SPOCK3: variants seen among roughly 807,000 people sequenced by gnomAD.
The protein encoded by SPOCK3 is testican-3.
In SPOCK3, 30 loss-of-function variants were observed where a neutral mutation model predicts 56.6. The observed-to-expected ratio is 0.53, with a 90% CI of 0.40 to 0.72. SPOCK3 has a LOEUF of 0.72. Ranked by LOEUF, SPOCK3 falls within the 30% of genes least tolerant of loss-of-function variation. SPOCK3 has a pLI of 0.00. For synonymous variants in SPOCK3, 196 were observed against 183.3 expected (o/e 1.07, Z -0.56); for missense variants, 527 against 530.0 (o/e 0.99, Z 0.06).
chr4:166,993,406 G>A (rs1053279563), intron 4 of SPOCK3, among the ~76,000 whole-genome samples: 1 of 152,136 alleles, frequency 6.6e-6, no homozygotes, highest in Non-Finnish European at 1.5e-5. Context: ...GCTAAAGGAT[G>A]TAAAGCAGAG....
At chr4:166,850,112 G>A (rs539677186) in intron 6 of SPOCK3, among the ~76,000 whole-genome samples, 22 of 152,182 alleles carry the variant, frequency 1.4e-4, no homozygotes, top group Non-Finnish European at 3.1e-4. Context: ...AAGTGGAATT[G>A]CTGGATCATA....
At chr4:167,179,937 TG>T (rs1345170934) in intron 2 of SPOCK3, among the ~76,000 whole-genome samples, 1 of 152,120 alleles carries the variant, frequency 6.6e-6, no homozygotes, top group African/African-American at 2.4e-5. Context: ...ATGGCAAATA[TG>T]CCAGGATTAG....
intron 8 of SPOCK3, among the ~76,000 whole-genome samples, chr4:166,745,376 T>A (rs866680523): frequency 2.0e-4 from 31 of 152,164 alleles, no homozygotes; most frequent in South Asian, 1.0e-3. Flanking sequence ...GTATTTCATA[T>A]CCAGCCAAAC....
chr4:166,754,847 T>A, intron 7 of SPOCK3, 118 bp from the exon 8 acceptor site: 1 of 833,594 alleles, frequency 1.2e-6, no homozygotes, highest in Non-Finnish European at 1.9e-6. Flanking sequence ...GTTAGAGAAG[T>A]AGAGCATTAA....
At chr4:166,754,792 A>C in intron 7 of SPOCK3, 63 bp from the exon 8 acceptor site, 1 of 1,478,542 alleles carries the variant, frequency 6.8e-7, no homozygotes, top group Non-Finnish European at 9.4e-7. Flanking sequence ...AGAAAGCAAA[A>C]TAAGTCAACA....
chr4:166,922,985 G>T (rs1303850168), intron 4 of SPOCK3, among the ~76,000 whole-genome samples: 1 of 152,114 alleles, frequency 6.6e-6, no homozygotes, highest in Non-Finnish European at 1.5e-5. Flanking sequence ...AAAACTTGCT[G>T]ATTTAAACAA....
chr4:167,090,898 C>T (rs940392140), intron 2 of SPOCK3, among the ~76,000 whole-genome samples: 2 of 152,020 alleles, frequency 1.3e-5, no homozygotes, highest in South Asian at 2.1e-4. Flanking sequence ...TATTAACTAA[C>T]ATTACATTGT....
At chr4:167,057,469 C>T (rs1755032832) in intron 3 of SPOCK3, among the ~76,000 whole-genome samples, 1 of 151,608 alleles carries the variant, frequency 6.6e-6, no homozygotes, top group Admixed American at 6.6e-5. Flanking sequence ...ACTAAATGCT[C>T]CAATTAAAAG....
At chr4:167,178,809 A>T in intron 2 of SPOCK3, among the ~76,000 whole-genome samples, 1 of 152,274 alleles carries the variant, frequency 6.6e-6, no homozygotes, top group East Asian at 1.9e-4. Flanking sequence ...TGATGTAAAT[A>T]CAAAATACAT....
At chr4:166,841,608 A>C (rs536097982) in intron 6 of SPOCK3, among the ~76,000 whole-genome samples, 2 of 152,104 alleles carry the variant, frequency 1.3e-5, no homozygotes, top group East Asian at 3.9e-4. Context: ...GCCTTCCTTA[A>C]TTTGCTTTCA....
At chr4:167,030,853 C>T (rs1561139473) in intron 3 of SPOCK3, among the ~76,000 whole-genome samples, 1 of 152,000 alleles carries the variant, frequency 6.6e-6, no homozygotes, top group East Asian at 1.9e-4. Flanking sequence ...ACCTGTTTCT[C>T]CAACAAGCTG....
At chr4:166,813,692 A>G (rs1159876120) in intron 6 of SPOCK3, among the ~76,000 whole-genome samples, 1 of 151,944 alleles carries the variant, frequency 6.6e-6, no homozygotes, top group East Asian at 1.9e-4. Flanking sequence ...CATATAGAGG[A>G]GTCTTCAGTA....
intron 2 of SPOCK3, among the ~76,000 whole-genome samples, chr4:167,205,425 TATATAATATATA>T (rs1351451777): frequency 2.0e-5 from 1 of 49,324 alleles, no homozygotes; most frequent in Non-Finnish European, 3.4e-5. Flanking sequence ...AAATATATAA[TATATAATATATA>T]ATATAATATA....
intron 3 of SPOCK3, among the ~76,000 whole-genome samples, chr4:167,042,818 G>C (rs1032194692): frequency 6.6e-6 from 1 of 152,066 alleles, no homozygotes; most frequent in African/African-American, 2.4e-5. Context: ...TGCTTTATAA[G>C]GGCTTTAGGT....
chr4:166,813,377 T>TGAG (rs1382848757), intron 6 of SPOCK3, among the ~76,000 whole-genome samples: 1 of 151,998 alleles, frequency 6.6e-6, no homozygotes, highest in East Asian at 1.9e-4. Flanking sequence ...AGGCAGGCTC[T>TGAG]GAGGAATGTA....
At chr4:166,849,784 T>C (rs988609910) in intron 6 of SPOCK3, among the ~76,000 whole-genome samples, 6 of 152,134 alleles carry the variant, frequency 3.9e-5, no homozygotes, top group African/African-American at 1.4e-4. Flanking sequence ...TCAACTACCA[T>C]TCTACTTTCT....
At chr4:167,053,900 A>C (rs1280611483) in intron 3 of SPOCK3, among the ~76,000 whole-genome samples, 1 of 152,070 alleles carries the variant, frequency 6.6e-6, no homozygotes, top group African/African-American at 2.4e-5. Context: ...GAGGAGCAGG[A>C]GAAACACATC....
chr4:166,841,598 GCCTT>G (rs1462008431), intron 6 of SPOCK3, among the ~76,000 whole-genome samples: 1 of 151,902 alleles, frequency 6.6e-6, no homozygotes, highest in Non-Finnish European at 1.5e-5. Context: ...TATAAATATG[GCCTT>G]CCTTAATTTG....
At chr4:167,040,888 A>G (rs1196196112) in intron 3 of SPOCK3, among the ~76,000 whole-genome samples, 1 of 150,342 alleles carries the variant, frequency 6.7e-6, no homozygotes, top group Non-Finnish European at 1.5e-5. Context: ...TAAAAACCCA[A>G]CAGGTTTGAT....
Sources: allele counts gnomAD v4.1 joint callset (sites outside exome capture counted in the v4.1 genomes callset), GRCh38; gene constraint gnomAD v4.1.1; transcripts MANE v1.5; gene names NCBI Gene and HGNC (gene_info 2026-07-23, HGNC 2026-07-21).